ERG: variants seen among roughly 807,000 people sequenced by gnomAD.
ERG encodes the protein transcriptional regulator ERG.
ERG carries 9 observed loss-of-function variants against 55.3 expected under a neutral mutation model. The ratio of observed to expected loss-of-function variants is 0.16; its 90% CI spans 0.10 to 0.28. ERG has a LOEUF of 0.28. Ranked by LOEUF, ERG falls within the 10% of genes least tolerant of loss-of-function variation. The probability of loss-of-function intolerance (pLI) is 1.00; values close to 1 mark genes in which losing one functional copy is unlikely to be tolerated. For synonymous variants in ERG, 223 were observed against 237.3 expected, an observed-to-expected ratio of 0.94 and a Z score of 0.55; for missense variants, 434 against 631.6, an observed-to-expected ratio of 0.69 and a Z score of 3.35.
intron 1 of ERG, among the ~76,000 whole-genome samples, chr21:38,580,008 G>A (rs148395711): frequency 0.013 from 1,948 of 152,252 alleles, 30 homozygotes; most frequent in African/African-American, 0.044. Context: ...TTTTAGTAGA[G>A]ACGGGATTTC....
At position 38,644,111 on chromosome 21, in the gene ERG, T is replaced by C. The variant is rs181588768; in HGVS notation, c.-150+17547A>G. On this transcript the variant is annotated intron_variant, in intron 1 of 10. Coordinates refer to the ERG transcript ENST00000398910. ...CTCCAGGTGGTAGCCTGGGACCTAC[T>C]GTGCAGAAGGACACACAGGTCTGAA... is the stretch of plus-strand genomic sequence containing the variant. 2.6e-5 allele frequency among the ~76,000 whole-genome samples: 4 copies of C among 152,272 alleles called. No homozygotes were observed. In the East Asian group the frequency reaches 7.7e-4, roughly 29 times the overall value.
intron 1 of ERG, among the ~76,000 whole-genome samples, chr21:38,635,635 G>C (rs1461894124): frequency 6.6e-6 from 1 of 152,110 alleles, no homozygotes; most frequent in African/African-American, 2.4e-5. Context: ...GATTCAATGT[G>C]ATATTTTTAA....
intron 7 of ERG, among the ~76,000 whole-genome samples, chr21:38,391,956 A>T (rs1334242821): frequency 1.2e-5 from 1 of 81,246 alleles, no homozygotes. Context: ...TTCCAAAAGT[A>T]AAAAAAAAAA....
rs567428636 is a variant in ERG at position 38,629,912 on chromosome 21, T to C, written c.-150+31746A>G. ...GTAGTCTATACATACACGGGCATAT[T>C]ACTCAGCCTTAAAAAAGAAATGAAA... On this transcript the variant is annotated intron_variant, in intron 1 of 10. Coordinates refer to the ERG transcript ENST00000398910. Among the ~76,000 whole-genome samples, 17 of 152,338 alleles carry C rather than the reference T, an allele frequency of 1.1e-4. 1 individual carries two copies. The East Asian group carries it at 3.1e-3, about 28-fold the overall frequency.
intron 1 of ERG, among the ~76,000 whole-genome samples, chr21:38,604,102 A>T (rs186069651): frequency 8.0e-5 from 12 of 149,624 alleles, no homozygotes; most frequent in Middle Eastern, 3.4e-3. Context: ...AAAAAAAAAA[A>T]ATTAGCTGGG....
intron 2 of ERG, among the ~76,000 whole-genome samples, chr21:38,549,606 G>A (rs2059810983): frequency 6.6e-6 from 1 of 152,168 alleles, no homozygotes; most frequent in Non-Finnish European, 1.5e-5. Context: ...AGTCATGGGA[G>A]CTGAGTCTTT....
chr21:38,559,183 T>C (rs1438042879), intron 2 of ERG, among the ~76,000 whole-genome samples: 2 of 152,194 alleles, frequency 1.3e-5, no homozygotes, highest in East Asian at 3.9e-4. Context: ...AGGAAATCCA[T>C]AGGAGGATCC....
At chr21:38,397,326 A>G (rs1170295463) in intron 6 of ERG, among the ~76,000 whole-genome samples, 1 of 152,088 alleles carries the variant, frequency 6.6e-6, no homozygotes, top group African/African-American at 2.4e-5. Context: ...GGGGCTGGGC[A>G]TGGTGGTTCA....
intron 5 of ERG, among the ~76,000 whole-genome samples, chr21:38,401,353 G>A (rs1321495621): frequency 1.3e-5 from 2 of 152,134 alleles, no homozygotes; most frequent in Non-Finnish European, 2.9e-5. Flanking sequence ...TCCTAAGAAG[G>A]GGAAGTAACT....
chr21:38,458,866 C>T (rs748799462), intron 1 of ERG, among the ~76,000 whole-genome samples: 50 of 152,320 alleles, frequency 3.3e-4, no homozygotes, highest in Middle Eastern at 3.4e-3. Context: ...TGTCCTGCCA[C>T]GATTAGGAGT....
At chr21:38,581,620 C>T (rs1210960190) in intron 1 of ERG, among the ~76,000 whole-genome samples, 3 of 152,138 alleles carry the variant, frequency 2.0e-5, no homozygotes, top group Non-Finnish European at 4.4e-5. Context: ...TGAGTTGATC[C>T]CCAGTGGCCA....
chr21:38,545,407 T>C (rs1357875124), intron 2 of ERG, among the ~76,000 whole-genome samples: 4 of 152,142 alleles, frequency 2.6e-5, no homozygotes, highest in Non-Finnish European at 1.5e-5. Context: ...TGATAATTGC[T>C]CCTTTCCAAA....
intron 1 of ERG, among the ~76,000 whole-genome samples, chr21:38,477,343 C>T (rs973225483): frequency 6.6e-6 from 1 of 152,152 alleles, no homozygotes; most frequent in Admixed American, 6.5e-5. Context: ...CTGGGCTAGA[C>T]TCTCACTCAC....
intron 2 of ERG, among the ~76,000 whole-genome samples, chr21:38,437,131 T>G (rs2058798214): frequency 6.6e-6 from 1 of 152,096 alleles, no homozygotes; most frequent in Admixed American, 6.5e-5. Context: ...TCAAGTGATC[T>G]GCCCACCTCA....
intron 1 of ERG, among the ~76,000 whole-genome samples, chr21:38,642,238 T>G (rs1306183519): frequency 6.6e-6 from 1 of 152,212 alleles, no homozygotes; most frequent in East Asian, 1.9e-4. Context: ...GGGAAAAACA[T>G]GTGTATAAGA....
intron 9 of ERG, among the ~76,000 whole-genome samples, chr21:38,386,789 A>AT (rs34882520): frequency 0.019 from 2,788 of 148,404 alleles, 110 homozygotes; most frequent in East Asian, 0.16. Flanking sequence ...CTTCAGATCT[A>AT]TTTTTTTTTT....
chr21:38,422,551 T>C (rs1352982971), intron 3 of ERG, among the ~76,000 whole-genome samples: 5 of 152,244 alleles, frequency 3.3e-5, no homozygotes, highest in Non-Finnish European at 7.3e-5. Context: ...ATGCCTCCTG[T>C]AGGGTAAAGG....
At chr21:38,455,873 C>G (rs1424555044) in intron 1 of ERG, among the ~76,000 whole-genome samples, 1 of 149,498 alleles carries the variant, frequency 6.7e-6, no homozygotes, top group East Asian at 1.9e-4. Flanking sequence ...TACGGTCCCC[C>G]CCCTCCCCAC....
Position 38,400,640 on chromosome 21 carries a change from C to T in ERG, c.679G>A (p.Ala227Thr), listed in dbSNP as rs1411605062. ...GAAGTATTTGGGAAAATAAAAGCTGCACCCCCTGCAGACAAAAGGAAAGAC... is the reference window on the plus strand; with the variant it reads ...GAAGTATTTGGGAAAATAAAAGCTGTACCCCCTGCAGACAAAAGGAAAGAC... ...RLMHARNTGG[A>T]AFIFPNTSVY... Residue 227 changes from alanine (A) to threonine (T), a missense_variant, in exon 6 of 10, where the codon GCA becomes ACA. By Grantham distance (58) the Ala-to-Thr change is moderately conservative (BLOSUM62 0). Around this residue, in one of 5 missense-constraint regions of ERG, gnomAD observed 99 missense variants for 145.6 expected, o/e 0.68. Coordinates refer to ENST00000288319, the MANE Select transcript of ERG (RefSeq NM_182918.4). 1 of 1,602,312 alleles carries T rather than the reference C, an allele frequency of 6.2e-7. No homozygotes were observed. The highest frequency in any genetic ancestry group is 8.5e-7 in the Non-Finnish European group (1 of 1,170,544).
Sources: gnomAD v4.1 joint callset for allele counts (sites outside exome capture counted in the v4.1 genomes callset) on GRCh38, gnomAD v4.1.1 for gene constraint, gnomAD v4.1.1 regional missense constraint, MANE v1.5 for transcripts, NCBI Gene and HGNC (gene_info 2026-07-23, HGNC 2026-07-21) for gene names.